FOXP2: variants seen among roughly 807,000 people sequenced by gnomAD.
FOXP2 encodes the protein forkhead box protein P2.
FOXP2 carries 12 observed loss-of-function variants against 115.8 expected under a neutral mutation model. That is an observed-to-expected ratio of 0.10 (90% CI 0.07 to 0.17). The LOEUF (loss-of-function observed/expected upper bound fraction) is 0.17. FOXP2 is among the 10% of genes least tolerant of loss of function. The probability of loss-of-function intolerance (pLI) is 1.00; values close to 1 mark genes in which losing one functional copy is unlikely to be tolerated. For synonymous variants in FOXP2, 328 were observed against 297.7 expected (o/e 1.10, Z -1.05); for missense variants, 629 against 843.5 (o/e 0.75, Z 3.15).
intron 1 of FOXP2, among the ~76,000 whole-genome samples, chr7:114,272,304 T>C (rs1171956812): frequency 2.0e-5 from 3 of 151,542 alleles, no homozygotes; most frequent in Non-Finnish European, 3.0e-5. Flanking sequence ...TTGAAGATTT[T>C]TGCAATTTGT....
At chr7:114,093,855 C>T (rs953631355) in intron 1 of FOXP2, among the ~76,000 whole-genome samples, 1 of 151,996 alleles carries the variant, frequency 6.6e-6, no homozygotes, top group African/African-American at 2.4e-5. Context: ...TGGTTTTGGA[C>T]AACAAACTTT....
intron 1 of FOXP2, among the ~76,000 whole-genome samples, chr7:114,102,881 G>T (rs951285058): frequency 1.3e-5 from 2 of 152,070 alleles, no homozygotes; most frequent in South Asian, 4.1e-4. Flanking sequence ...CCTTGAAATA[G>T]TTCTTCCCTT....
chr7:114,693,379 G>A lies in FOXP2; in HGVS notation c.*3453G>A. Reference sequence around the variant, plus strand: ...ACCATCCTGGACTTTAATGTCCCTGGGCAGATTCAGTCGCAAAATCCAATA... The same window carrying A: ...ACCATCCTGGACTTTAATGTCCCTGAGCAGATTCAGTCGCAAAATCCAATA... On this transcript the variant is annotated 3_prime_UTR_variant, in exon 17 of 17. Transcript: ENST00000350908. 2.2e-6 allele frequency: 1 copy of A among 453,686 alleles called. No individual in the cohort carries two copies. The highest frequency in any genetic ancestry group is 4.4e-6 in the Non-Finnish European group (1 of 226,576). 28.1% of individuals were successfully genotyped at this position (453,686 alleles called of 1,614,324 possible). A position where few individuals can be genotyped will look rare whatever the true frequency, so the allele number is the denominator to read the frequency against.
intron 2 of FOXP2, among the ~76,000 whole-genome samples, chr7:114,508,108 A>G (rs1385787665): frequency 3.3e-5 from 5 of 152,054 alleles, no homozygotes; most frequent in South Asian, 2.1e-4. Context: ...AACATATTTT[A>G]TTAAATAATT....
At chr7:114,586,270 A>T (rs1802124930) in intron 3 of FOXP2, among the ~76,000 whole-genome samples, 1 of 152,148 alleles carries the variant, frequency 6.6e-6, no homozygotes, top group Admixed American at 6.6e-5. Context: ...CATATTGGAG[A>T]TTAAGTTTTA....
At chr7:114,330,446 A>T (rs1797675362) in intron 2 of FOXP2, among the ~76,000 whole-genome samples, 2 of 150,772 alleles carry the variant, frequency 1.3e-5, no homozygotes, top group Admixed American at 6.6e-5. Flanking sequence ...CAGCCTGGGC[A>T]ACATAGGGAG....
At chr7:114,507,199 A>T (rs1296983324) in intron 2 of FOXP2, among the ~76,000 whole-genome samples, 2 of 151,880 alleles carry the variant, frequency 1.3e-5, no homozygotes, top group Admixed American at 6.6e-5. Context: ...ATCAATAACT[A>T]AGAAGCCGTG....
chr7:114,281,095 A>T lies in FOXP2; in HGVS notation c.-101-6924A>T, dbSNP rs1299596231. On this transcript the variant is annotated intron_variant, in intron 1 of 17. Coordinates refer to the FOXP2 transcript ENST00000634411. The stretch of plus-strand genomic sequence containing the variant: ...GAGAAAGGCTTTTTATGCAATTTGA[A>T]TTTTTTTTTTTTTTTTTTTTTTTTG... 1.5e-4 allele frequency among the ~76,000 whole-genome samples: 14 copies of T among 92,886 alleles called. No individual in the cohort carries two copies. In the South Asian group the frequency reaches 5.2e-3, roughly 35 times the overall value. The allele number at this position is 92,886 out of a possible 152,430, so 60.9% of individuals were successfully genotyped here. A position where few individuals can be genotyped will look rare whatever the true frequency, so the allele number is the denominator to read the frequency against.
chr7:114,650,045 T>C (rs1356740874), intron 8 of FOXP2, among the ~76,000 whole-genome samples: 2 of 152,142 alleles, frequency 1.3e-5, no homozygotes, highest in East Asian at 1.9e-4. Flanking sequence ...TGTGTTCCAC[T>C]GAAAAATTCA....
intron 2 of FOXP2, among the ~76,000 whole-genome samples, chr7:114,513,055 G>A (rs931872187): frequency 6.6e-6 from 1 of 152,132 alleles, no homozygotes; most frequent in East Asian, 1.9e-4. Context: ...CTGTACTCCA[G>A]CCTGGTGACA....
chr7:114,302,569 G>A (rs925337729), intron 2 of FOXP2, among the ~76,000 whole-genome samples: 2 of 152,156 alleles, frequency 1.3e-5, no homozygotes, highest in African/African-American at 4.8e-5. Flanking sequence ...TTCAGAATCT[G>A]TAATTTTAAC....
chr7:114,386,561 G>A (rs1483978785), intron 2 of FOXP2, among the ~76,000 whole-genome samples: 1 of 152,212 alleles, frequency 6.6e-6, no homozygotes, highest in African/African-American at 2.4e-5. Flanking sequence ...GGAGCAGACC[G>A]TGGGAGTCAT....
chr7:114,610,361 T>A (rs1375202428), intron 3 of FOXP2, among the ~76,000 whole-genome samples: 2 of 152,180 alleles, frequency 1.3e-5, no homozygotes, highest in Non-Finnish European at 2.9e-5. Context: ...CTTTAATAAA[T>A]TTACATTACT....
chr7:114,619,678 C>A (rs1804137748), intron 3 of FOXP2, among the ~76,000 whole-genome samples: 1 of 151,916 alleles, frequency 6.6e-6, no homozygotes, highest in Non-Finnish European at 1.5e-5. Context: ...CTGTATCCTC[C>A]TTTGGGTCAA....
At chr7:114,465,417 A>G (rs971836127) in intron 2 of FOXP2, among the ~76,000 whole-genome samples, 4 of 152,224 alleles carry the variant, frequency 2.6e-5, no homozygotes, top group African/African-American at 9.6e-5. Context: ...CATTCATAAG[A>G]TAGTGAATAG....
Position 114,099,383 on chromosome 7 carries a change from T to C in FOXP2, c.-247+11545T>C, listed in dbSNP as rs142079223. ...AAAAGTCAAAAGATAACAAATGTCG[T>C]GCTTCTGTGCAGAAAAGGCACCTCT... On this transcript the variant is annotated intron_variant, in intron 1 of 19. Transcript: ENST00000635638. Among the ~76,000 whole-genome samples the C allele has an allele frequency of 1.7e-3, 265 of 152,268 alleles. 3 individuals are homozygous for C. The highest frequency in any genetic ancestry group is 6.2e-3 in the African/African-American group (259 of 41,554).
chr7:114,583,046 C>A (rs1801947339), intron 3 of FOXP2, among the ~76,000 whole-genome samples: 4 of 152,084 alleles, frequency 2.6e-5, no homozygotes, highest in Admixed American at 2.6e-4. Flanking sequence ...CCACAAAAGA[C>A]ACAAATAGGC....
chr7:114,314,677 T>C (rs1797231321), intron 2 of FOXP2, among the ~76,000 whole-genome samples: 1 of 152,218 alleles, frequency 6.6e-6, no homozygotes, highest in African/African-American at 2.4e-5. Flanking sequence ...AGTAGGTACC[T>C]AATAAGCACT....
At chr7:114,451,455 T>G (rs1042840879) in intron 2 of FOXP2, among the ~76,000 whole-genome samples, 1 of 152,020 alleles carries the variant, frequency 6.6e-6, no homozygotes, top group African/African-American at 2.4e-5. Flanking sequence ...ATGGGGGAAT[T>G]AAACAACTAT....
Sources: allele counts gnomAD v4.1 joint callset (sites outside exome capture counted in the v4.1 genomes callset), GRCh38; gene constraint gnomAD v4.1.1; transcripts MANE v1.5; gene names NCBI Gene and HGNC (gene_info 2026-07-23, HGNC 2026-07-21).